Variants in MTCL1 observed in about 807,000 individuals in gnomAD.
The protein encoded by MTCL1 is microtubule crosslinking factor 1.
In MTCL1, 79 loss-of-function variants were observed where a neutral mutation model predicts 141.4. The observed-to-expected ratio is 0.56, with a 90% CI of 0.47 to 0.67. The LOEUF is 0.67. Ranked by LOEUF, MTCL1 falls within the 30% of genes least tolerant of loss-of-function variation. The probability of loss-of-function intolerance (pLI) is 0.00; values close to 1 mark genes in which losing one functional copy is unlikely to be tolerated. For synonymous variants in MTCL1, 914 were observed against 875.8 expected (o/e 1.04, Z -0.77); for missense variants, 2,177 against 2,113.9 (o/e 1.03, Z -0.59).
chr18:8,778,555 C>A (rs1438222200), intron 5 of MTCL1, among the ~76,000 whole-genome samples: 1 of 152,170 alleles, frequency 6.6e-6, no homozygotes, highest in African/African-American at 2.4e-5. Context: ...AGCTCAGCAA[C>A]CTCCACCGAC....
intron 4 of MTCL1, among the ~76,000 whole-genome samples, chr18:8,731,108 G>A (rs1292314672): frequency 6.6e-6 from 1 of 152,044 alleles, no homozygotes; most frequent in Non-Finnish European, 1.5e-5. Context: ...AGCCGGCCGT[G>A]GTGGCGGGCG....
At position 8,777,733 on chromosome 18, in the gene MTCL1, C is replaced by T. The variant is rs1281315520; in HGVS notation, c.358-100C>T. 9.1e-6 allele frequency: 9 copies of T among 986,154 alleles called. 1 individual carries two copies. The highest frequency in any genetic ancestry group is 5.0e-5 in the East Asian group (2 of 40,316). The allele number at this position is 986,154 out of a possible 1,614,324, so 61.1% of individuals were successfully genotyped here. A position where few individuals can be genotyped will look rare whatever the true frequency, so the allele number is the denominator to read the frequency against. On this transcript the variant is annotated intron_variant, in intron 4 of 16. Coordinates refer to ENST00000359865, the Ensembl canonical transcript of MTCL1. ...CTTGATTCTGGTGGGAAACAGCCTC[C>T]GTTCAGTGTGTGTGTCCCCACCCAT...
intron 8 of MTCL1, 126 bp downstream of exon 7, chr18:8,793,246 T>C: frequency 7.6e-7 from 1 of 1,318,308 alleles, no homozygotes; most frequent in Non-Finnish European, 1.0e-6. Context: ...CCTGGGCACG[T>C]ATGGAAAGGT....
intron 4 of MTCL1, among the ~76,000 whole-genome samples, chr18:8,756,539 ATGTG>A (rs1222085561): frequency 0.013 from 1,804 of 144,242 alleles, 55 homozygotes; most frequent in African/African-American, 0.049. Flanking sequence ...GTGTGTATAT[ATGTG>A]TATATATATG....
At chr18:8,751,070 G>C (rs1433850560) in intron 4 of MTCL1, among the ~76,000 whole-genome samples, 3 of 152,182 alleles carry the variant, frequency 2.0e-5, no homozygotes, top group Non-Finnish European at 2.9e-5. Context: ...GGACCAGTGG[G>C]TGTGGGCATC....
chr18:8,766,021 C>A (rs115272415), intron 4 of MTCL1, among the ~76,000 whole-genome samples: 1 of 152,098 alleles, frequency 6.6e-6, no homozygotes, highest in African/African-American at 2.4e-5. Context: ...ACACATTCAC[C>A]CTTATGTACC....
At position 8,786,103 on chromosome 18, in the gene MTCL1, C is replaced by T; in HGVS notation, c.1887+12C>T. ...GCTTCAGCCTGGAGGTCAGCGTGGG[C>T]AAGCAATCCCCCCCCCCCGCCCTCC... On this transcript the variant is annotated intron_variant, in intron 7 of 16. Coordinates refer to ENST00000359865, the Ensembl canonical transcript of MTCL1. The T allele has an allele frequency of 2.0e-6, 3 of 1,519,818 alleles. No homozygotes were observed. Among genetic ancestry groups the T allele is most frequent in the East Asian group, 2.5e-5 (1 of 39,812 alleles). The allele number at this position is 1,519,818 out of a possible 1,614,324, so 94.1% of individuals were successfully genotyped here.
chr18:8,786,345 T>G, intron 7 of MTCL1: 1 of 677,018 alleles, frequency 1.5e-6, no homozygotes, highest in Non-Finnish European at 2.7e-6. Flanking sequence ...CACCTCCTGT[T>G]TCCGCAGACC....
chr18:8,717,937 G>A, exon 2 of MTCL1: 1 of 998,604 alleles, frequency 1.0e-6, no homozygotes, highest in Non-Finnish European at 1.2e-6. Flanking sequence ...GCGTCTTGTG[G>A]AACAGAATTT....
At chr18:8,805,938 G>T (rs2076283405) in intron 10 of MTCL1, among the ~76,000 whole-genome samples, 1 of 152,190 alleles carries the variant, frequency 6.6e-6, no homozygotes. Context: ...AATGTACTAA[G>T]ACAGAAATCA....
intron 4 of MTCL1, among the ~76,000 whole-genome samples, chr18:8,742,895 A>G (rs1208784551): frequency 6.6e-6 from 1 of 152,238 alleles, no homozygotes; most frequent in African/African-American, 2.4e-5. Context: ...AATACTGTGG[A>G]CTTTGAAAAC....
chr18:8,711,002 T>C (rs1442022993), intron 1 of MTCL1, among the ~76,000 whole-genome samples: 1 of 151,760 alleles, frequency 6.6e-6, no homozygotes, highest in Non-Finnish European at 1.5e-5. Flanking sequence ...ACTCGTCATC[T>C]AGCATTAGGT....
At chr18:8,746,018 G>A (rs1024678057) in intron 4 of MTCL1, among the ~76,000 whole-genome samples, 28 of 152,086 alleles carry the variant, frequency 1.8e-4, no homozygotes, top group Admixed American at 3.9e-4. Context: ...GGCTTATTTC[G>A]CTTAGCATAA....
intron 14 of MTCL1, among the ~76,000 whole-genome samples, chr18:8,823,796 C>T (rs1335224638): frequency 1.3e-5 from 2 of 152,150 alleles, no homozygotes; most frequent in Non-Finnish European, 1.5e-5. Context: ...GTTCTGTGTA[C>T]CAGCGCACAC....
intron 7 of MTCL1, among the ~76,000 whole-genome samples, chr18:8,789,894 T>C (rs1669038822): frequency 1.3e-5 from 2 of 152,236 alleles, no homozygotes. Flanking sequence ...CTGAACCTTT[T>C]GCCATAGCAC....
exon 15 of MTCL1, chr18:8,825,675 A>G: frequency 6.2e-7 from 1 of 1,613,744 alleles, no homozygotes; most frequent in Non-Finnish European, 8.5e-7. Context: ...CTGCTCCCCC[A>G]AGTATGGTTC....
exon 6 of MTCL1, chr18:8,784,258 C>G (rs534847864): frequency 2.1e-5 from 34 of 1,604,050 alleles, no homozygotes; most frequent in Middle Eastern, 1.7e-4. Context: ...CCCCCAGTCC[C>G]CGGGACAGCG....
At chr18:8,756,702 C>G (rs190551478) in intron 4 of MTCL1, among the ~76,000 whole-genome samples, 207 of 152,228 alleles carry the variant, frequency 1.4e-3, no homozygotes, top group Non-Finnish European at 2.4e-3. Flanking sequence ...GTTTTTATCT[C>G]TTTATGCAGT....
chr18:8,737,692 C>G (rs1471611177), intron 4 of MTCL1, among the ~76,000 whole-genome samples: 1 of 152,212 alleles, frequency 6.6e-6, no homozygotes, highest in East Asian at 1.9e-4. Flanking sequence ...GGATAGAGCA[C>G]TGGGTTCGAG....
Sources: gnomAD v4.1 joint callset for allele counts (sites outside exome capture counted in the v4.1 genomes callset) on GRCh38, gnomAD v4.1.1 for gene constraint, MANE v1.5 for transcripts, NCBI Gene and HGNC (gene_info 2026-07-23, HGNC 2026-07-21) for gene names.